The following LMNB1 variants were observed in gnomAD, a reference collection of about 807,000 sequenced individuals.
LMNB1 encodes the protein lamin B1, also known as lamin-B1.
In LMNB1, 23 loss-of-function variants were observed where a neutral mutation model predicts 67.1. The ratio of observed to expected loss-of-function variants is 0.34; its 90% CI spans 0.25 to 0.49. The LOEUF is 0.49. Ranked by LOEUF, LMNB1 falls within the 20% of genes least tolerant of loss-of-function variation. The pLI, the probability that LMNB1 is intolerant of heterozygous loss-of-function variation, is 0.99. For synonymous variants in LMNB1, 281 were observed against 282.9 expected (o/e 0.99, Z 0.07); for missense variants, 634 against 746.5 (o/e 0.85, Z 1.76).
Position 126,786,417 on chromosome 5 carries a change from G to A in LMNB1, c.359+8550G>A, listed in dbSNP as rs149274755. ...ATTACAGGCGTGAGCCACCGTTCCCGGCCAGACATTATCTTTTAAGCTCAT... is the reference window on the plus strand; with the variant it reads ...ATTACAGGCGTGAGCCACCGTTCCCAGCCAGACATTATCTTTTAAGCTCAT... On this transcript the variant is annotated intron_variant, in intron 1 of 10. Coordinates refer to ENST00000261366, the MANE Select transcript of LMNB1 (RefSeq NM_005573.4). Among the ~76,000 whole-genome samples the A allele has an allele frequency of 4.7e-4, 72 of 152,164 alleles. No individual in the cohort carries two copies. The East Asian group carries it at 0.012, about 25-fold the overall frequency.
At chr5:126,778,461 G>A (rs1750537545) in intron 1 of LMNB1, among the ~76,000 whole-genome samples, 1 of 152,222 alleles carries the variant, frequency 6.6e-6, no homozygotes, top group Non-Finnish European at 1.5e-5. Context: ...GCCCTGTGAC[G>A]TTTTGCGAAG....
chr5:126,820,505 G>C lies in LMNB1; in HGVS notation c.1161-405G>C, dbSNP rs114473532. On this transcript the variant is annotated intron_variant, in intron 6 of 10. Coordinates refer to ENST00000261366, the MANE Select transcript of LMNB1 (RefSeq NM_005573.4). ...GTAAGTAATATTTTGCTTTAGAAATGCATGGGTGGGATATTCTTCTTCTTA... is the reference window on the plus strand; with the variant it reads ...GTAAGTAATATTTTGCTTTAGAAATCCATGGGTGGGATATTCTTCTTCTTA... 6.8e-3 allele frequency among the ~76,000 whole-genome samples: 1,037 copies of C among 152,196 alleles called. 10 individuals are homozygous for C. Among genetic ancestry groups the C allele is most frequent in the African/African-American group, 0.023 (954 of 41,532 alleles).
In LMNB1 at chr5:126,820,990, G is replaced by C; in HGVS notation, c.1241G>C (p.Gly414Ala). ...AGTCGTAGTGTACGTACAACTAGAG[G>C]AAAGCGGAAGAGGGTTGATGTGGAA... Reference protein sequence around the residue: ...SSSRSVRTTRGKRKRVDVEES... With the variant: ...SSSRSVRTTRAKRKRVDVEES... The change falls in exon 7 of 11, where the codon GGA becomes GCA. Residue 414 changes from glycine (G) to alanine (A), a missense_variant. Gly to Ala is a moderately conservative substitution (Grantham distance 60, BLOSUM62 0). Transcript: ENST00000261366. 3.7e-6 allele frequency: 6 copies of C among 1,614,016 alleles called. No homozygotes were observed. Among genetic ancestry groups the C allele is most frequent in the Non-Finnish European group, 4.2e-6 (5 of 1,179,906 alleles).
chr5:126,815,450 G>A (rs1319017489), intron 5 of LMNB1, among the ~76,000 whole-genome samples: 2 of 152,138 alleles, frequency 1.3e-5, no homozygotes, highest in African/African-American at 4.8e-5. Flanking sequence ...TTAGAGAAGA[G>A]TACAGTATGG....
At chr5:126,815,373 T>C (rs1156520477) in intron 5 of LMNB1, 1 of 152,218 alleles carries the variant, frequency 6.6e-6, no homozygotes, top group African/African-American at 2.4e-5. Flanking sequence ...AAATTTTACA[T>C]TGCTTATAGC....
At position 126,836,763 on chromosome 5, in the gene LMNB1, T is replaced by A. The variant is rs1011876887; in HGVS notation, c.*499T>A. On this transcript the variant is annotated 3_prime_UTR_variant, in exon 11 of 11. Transcript: ENST00000261366. ...AATAAGCAATCAAGGTTATAATTTT[T>A]TTTAAAATAGAAATTTTGTAAGAAG... 1.3e-5 allele frequency: 5 copies of A among 395,728 alleles called. No homozygotes were observed. In the East Asian group the frequency reaches 1.4e-4, roughly 11 times the overall value. 24.5% of individuals were successfully genotyped at this position (395,728 alleles called of 1,614,324 possible). A position where few individuals can be genotyped will look rare whatever the true frequency, so the allele number is the denominator to read the frequency against.
intron 10 of LMNB1, 48 bp from the exon 11 acceptor site, chr5:126,836,175 G>A (rs1752244161): frequency 7.1e-7 from 1 of 1,414,970 alleles, no homozygotes; most frequent in African/African-American, 1.4e-5. Flanking sequence ...TTAGAATACT[G>A]TGATCTATTT....
Position 126,819,083 on chromosome 5 carries a change from G to T in LMNB1, c.1101G>T (p.Lys367Asn). The T allele has an allele frequency of 6.2e-7, 1 of 1,614,186 alleles. No individual in the cohort carries two copies. Among genetic ancestry groups the T allele is most frequent in the South Asian group, 1.1e-5 (1 of 91,088 alleles). Residue 367 changes from lysine (K) to asparagine (N), a missense_variant, in exon 6 of 11, where the codon AAG becomes AAT. Lys to Asn is a moderately conservative substitution (Grantham distance 94, BLOSUM62 0). Transcript: ENST00000261366. Reference sequence around the variant, plus strand: ...ACTATGAACAGCTTCTTGATGTAAAGTTAGCCCTGGACATGGAAATCAGTG... The same window carrying T: ...ACTATGAACAGCTTCTTGATGTAAATTTAGCCCTGGACATGGAAATCAGTG... Reference protein sequence around the residue: ...LNDYEQLLDVKLALDMEISAY... With the variant: ...LNDYEQLLDVNLALDMEISAY...
intron 9 of LMNB1, among the ~76,000 whole-genome samples, chr5:126,832,451 C>T (rs900686677): frequency 6.6e-6 from 1 of 152,012 alleles, no homozygotes; most frequent in Non-Finnish European, 1.5e-5. Context: ...AGGCACGTGC[C>T]ATCATGGCCA....
intron 1 of LMNB1, among the ~76,000 whole-genome samples, chr5:126,787,889 A>T (rs777490018): frequency 2.6e-5 from 4 of 151,758 alleles, no homozygotes; most frequent in Non-Finnish European, 5.9e-5. Context: ...TGGGGTGGGG[A>T]AGGGGATTGT....
chr5:126,777,357 C>CGGGGAGCCGGCG lies in LMNB1; in HGVS notation c.-152_-151insGGGGAGCCGGCG. The CGGGGAGCCGGCG allele has an allele frequency of 1.1e-6, 1 of 873,376 alleles. No homozygotes were observed. The highest frequency in any genetic ancestry group is 1.5e-6 in the Non-Finnish European group (1 of 662,474). 54.1% of individuals were successfully genotyped at this position (873,376 alleles called of 1,614,324 possible). On this transcript the variant is annotated 5_prime_UTR_variant, in exon 1 of 11. Coordinates refer to ENST00000261366, the MANE Select transcript of LMNB1 (RefSeq NM_005573.4). ...GTGCTGTAATCGAGCTCCCGCCATC[C>CGGGGAGCCGGCG]CAGGTGCTTCTCCGTTCCTCTAAAC...
At chr5:126,834,774 G>A (rs1246847615) in intron 10 of LMNB1, among the ~76,000 whole-genome samples, 1 of 152,162 alleles carries the variant, frequency 6.6e-6, no homozygotes, top group East Asian at 1.9e-4. Context: ...TACTCGGGAG[G>A]CTGAGGCAGG....
rs1751843409 is a variant in LMNB1 at position 126,820,674 on chromosome 5, C to T, written c.1161-236C>T. On this transcript the variant is annotated intron_variant, in intron 6 of 10. Coordinates refer to ENST00000261366, the MANE Select transcript of LMNB1 (RefSeq NM_005573.4). ...CTGAGTAGCTAGTATTACAGGCGCC[C>T]ACCACCACGCCTGGCTAATTTTTGT... Among the ~76,000 whole-genome samples, 4 of 152,062 alleles carry T rather than the reference C, an allele frequency of 2.6e-5. No homozygotes were observed. In the South Asian group the frequency reaches 8.3e-4, roughly 32 times the overall value.
chr5:126,823,918 T>C (rs1751928732), intron 8 of LMNB1, among the ~76,000 whole-genome samples: 1 of 152,206 alleles, frequency 6.6e-6, no homozygotes, highest in Non-Finnish European at 1.5e-5. Flanking sequence ...CTGTATAATG[T>C]GGTAAAAAGA....
chr5:126,808,126 C>T (rs1751497063), intron 3 of LMNB1, among the ~76,000 whole-genome samples: 1 of 152,022 alleles, frequency 6.6e-6, no homozygotes, highest in East Asian at 1.9e-4. Context: ...TCTGCCTCGG[C>T]CTCCCAAAGT....
At chr5:126,788,711 A>G (rs1364948300) in intron 1 of LMNB1, among the ~76,000 whole-genome samples, 1 of 152,134 alleles carries the variant, frequency 6.6e-6, no homozygotes, top group Non-Finnish European at 1.5e-5. Context: ...GATGAAGCCT[A>G]AAAAGTATCT....
At chr5:126,799,079 G>C (rs887686462) in intron 1 of LMNB1, among the ~76,000 whole-genome samples, 1 of 149,612 alleles carries the variant, frequency 6.7e-6, no homozygotes, top group African/African-American at 2.5e-5. Flanking sequence ...GTGCAGTGGC[G>C]CAATCTCGGC....
At chr5:126,824,135 G>A (rs906706299) in intron 8 of LMNB1, among the ~76,000 whole-genome samples, 2 of 152,156 alleles carry the variant, frequency 1.3e-5, no homozygotes, top group African/African-American at 4.8e-5. Context: ...GGCATTAAAT[G>A]TGATAAGCAG....
intron 1 of LMNB1, among the ~76,000 whole-genome samples, chr5:126,778,801 A>G (rs1750551395): frequency 1.3e-5 from 2 of 152,184 alleles, no homozygotes; most frequent in Non-Finnish European, 2.9e-5. Context: ...TGCAGATAGT[A>G]GACCAGGGCA....
Sources: allele counts gnomAD v4.1 joint callset (sites outside exome capture counted in the v4.1 genomes callset), GRCh38; gene constraint gnomAD v4.1.1; transcripts MANE v1.5; gene names NCBI Gene and HGNC (gene_info 2026-07-23, HGNC 2026-07-21).